Variants in WDHD1 observed in about 807,000 individuals in gnomAD.
The protein encoded by WDHD1 is WD repeat and HMG-box DNA-binding protein 1.
WDHD1 carries 111 observed loss-of-function variants against 135.4 expected under a neutral mutation model. That is an observed-to-expected ratio of 0.82 (90% CI 0.70 to 0.96). The LOEUF is 0.96. Ranked by LOEUF, WDHD1 falls within the 40% of genes least tolerant of loss-of-function variation. WDHD1 has a pLI of 0.00. For synonymous variants in WDHD1, 434 were observed against 439.0 expected, an observed-to-expected ratio of 0.99 and a Z score of 0.14; for missense variants, 1,351 against 1,336.3, an observed-to-expected ratio of 1.01 and a Z score of -0.17.
chr14:54,987,471 C>CA, intron 13 of WDHD1, 84 bp from the exon 14 acceptor site: 4 of 1,235,822 alleles, frequency 3.2e-6, no homozygotes, highest in African/African-American at 3.1e-5. Context: ...TGATATTCAA[C>CA]AAAAAAACCA....
At chr14:54,963,581 G>T (rs1317373347) in intron 18 of WDHD1, among the ~76,000 whole-genome samples, 3 of 152,100 alleles carry the variant, frequency 2.0e-5, no homozygotes, top group African/African-American at 7.2e-5. Context: ...CAGATGGGTG[G>T]ATCATGAGGT....
intron 21 of WDHD1, 47 bp from the exon 22 acceptor site, chr14:54,957,682 GA>G: frequency 6.8e-7 from 1 of 1,477,016 alleles, no homozygotes; most frequent in African/African-American, 1.4e-5. Context: ...GAAAATAGAT[GA>G]CTTCTGACAT....
intron 15 of WDHD1, among the ~76,000 whole-genome samples, chr14:54,982,364 C>A (rs2041633097): frequency 6.6e-6 from 1 of 152,098 alleles, no homozygotes; most frequent in Non-Finnish European, 1.5e-5. Context: ...CAGAAGGCTC[C>A]CGCTTGAGAA....
chr14:55,005,433 C>T (rs935198916), intron 7 of WDHD1: 2 of 569,810 alleles, frequency 3.5e-6, no homozygotes, highest in South Asian at 2.8e-5. Flanking sequence ...TTCAGCATGG[C>T]CTTCGGACCA....
chr14:54,957,634 A>G lies in WDHD1; in HGVS notation c.2703T>C (p.Gly901=). 1 of 1,606,430 alleles carries G rather than the reference A, an allele frequency of 6.2e-7. No individual in the cohort carries two copies. The highest frequency in any genetic ancestry group is 8.5e-7 in the Non-Finnish European group (1 of 1,178,034). The stretch of plus-strand genomic sequence containing the variant: ...GTCCTTGGCTGCTAAAGGTAACTGC[A>G]CCTTTCACAAAAAAGAAACCCTTGC... ...TNSSDVSAKS[G]AVTFSSQGRV... Residue 901 remains glycine (G), a splice_region_variant and synonymous_variant, in exon 22 of 26, where the codon GGT becomes GGC. Coordinates refer to ENST00000360586, the MANE Select transcript of WDHD1 (RefSeq NM_007086.4).
intron 16 of WDHD1, among the ~76,000 whole-genome samples, chr14:54,972,485 C>T (rs763730019): frequency 1.8e-4 from 23 of 129,478 alleles, no homozygotes; most frequent in Admixed American, 2.9e-4. Context: ...GGGTAAAGCA[C>T]GAGAATCTCT....
chr14:54,970,601 T>G (rs1250967696), intron 16 of WDHD1, among the ~76,000 whole-genome samples: 1 of 149,268 alleles, frequency 6.7e-6, no homozygotes, highest in Non-Finnish European at 1.5e-5. Flanking sequence ...CAACCTTGGT[T>G]TGCATCGAAG....
chr14:54,961,075 G>A lies in WDHD1; in HGVS notation c.2701+1423C>T, dbSNP rs144414539. Reference sequence around the variant, plus strand: ...CCACCTTGGCCTCTCAAAATGCTGAGGTTACAGACATGAGCCATCACACCT... The same window carrying A: ...CCACCTTGGCCTCTCAAAATGCTGAAGTTACAGACATGAGCCATCACACCT... On this transcript the variant is annotated intron_variant, in intron 21 of 25. Coordinates refer to ENST00000360586, the MANE Select transcript of WDHD1 (RefSeq NM_007086.4). Among the ~76,000 whole-genome samples, 809 of 152,268 alleles carry A rather than the reference G, an allele frequency of 5.3e-3. 10 individuals are homozygous for A. Among genetic ancestry groups the A allele is most frequent in the African/African-American group, 0.018 (765 of 41,560 alleles).
rs562847704 is a variant in WDHD1, at chr14:54,948,662, A to G, written c.3051-4192T>C. Among the ~76,000 whole-genome samples, 406 of 152,344 alleles carry G rather than the reference A, an allele frequency of 2.7e-3. 1 individual carries two copies. Among genetic ancestry groups the G allele is most frequent in the Non-Finnish European group, 4.9e-3 (333 of 68,028 alleles). On this transcript the variant is annotated intron_variant, in intron 24 of 25. Transcript: ENST00000360586. ...CTTTGAAGAGAGTAGTGGTTCTCCC[A>G]GCACAGAGTTTGAGATCTGAGAATG...
In WDHD1 at chr14:54,967,383, C is replaced by T. The variant is rs766392836; in HGVS notation, c.2075G>A (p.Cys692Tyr). The stretch of plus-strand genomic sequence containing the variant: ...GGTTGGGGGAAACCGAGAACCTTTA[C>T]AAGGAATGCACCTGTTAGTAAAGAA... ...ENPQQLRCIP[C>Y]KGSRFPPTLP... The change falls in exon 17 of 26, where the codon TGT becomes TAT. Residue 692 changes from cysteine (C) to tyrosine (Y), a missense_variant. Physicochemically the swap from Cys to Tyr is radical, Grantham distance 194. This residue lies in a region of WDHD1 where 1,330 missense variants were observed against 1,296.1 expected (regional missense o/e 1.03). Coordinates refer to ENST00000360586, the MANE Select transcript of WDHD1 (RefSeq NM_007086.4). 2.5e-5 allele frequency: 40 copies of T among 1,609,304 alleles called. No homozygotes were observed. In the South Asian group the frequency reaches 4.2e-4, roughly 17 times the overall value.
At position 54,941,518 on chromosome 14, in the gene WDHD1, A is replaced by G. The variant is rs1566699117; in HGVS notation, c.3362T>C (p.Leu1121Pro). The G allele has an allele frequency of 1.2e-6, 2 of 1,612,386 alleles. No individual in the cohort carries two copies. The highest frequency in any genetic ancestry group is 1.7e-5 in the Admixed American group (1 of 59,868). Residue 1121 changes from leucine to proline, a missense_variant, in exon 26 of 26, where the codon CTA (leucine) becomes CCA (proline). Coordinates refer to ENST00000360586, the MANE Select transcript of WDHD1 (RefSeq NM_007086.4). ...KPLDFSTNQK[L>P]SAFAFKQE is the part of the protein sequence containing the mutation. ...CTCCTGCTTAAATGCAAAAGCTGATAGTTTCTGATTTGTAGAAAAATCTAA... is the reference window on the plus strand; with the variant it reads ...CTCCTGCTTAAATGCAAAAGCTGATGGTTTCTGATTTGTAGAAAAATCTAA...
intron 2 of WDHD1, among the ~76,000 whole-genome samples, chr14:55,025,853 A>C (rs1216432399): frequency 6.6e-6 from 1 of 151,990 alleles, no homozygotes; most frequent in Non-Finnish European, 1.5e-5. Context: ...TGCCAACATC[A>C]CCACCCCACC....
chr14:54,958,911 C>A (rs551355218), intron 21 of WDHD1, among the ~76,000 whole-genome samples: 3 of 152,318 alleles, frequency 2.0e-5, no homozygotes, highest in East Asian at 3.9e-4. Context: ...GACCAGAATA[C>A]TTCCCTGAGC....
At chr14:54,964,013 C>CA (rs2041300458) in intron 18 of WDHD1, among the ~76,000 whole-genome samples, 1 of 152,106 alleles carries the variant, frequency 6.6e-6, no homozygotes, top group African/African-American at 2.4e-5. Context: ...GAGCCTGAGA[C>CA]AGGAGGTTCA....
rs2041989910 is a variant in WDHD1, at chr14:55,002,143, T to C, written c.643A>G (p.Arg215Gly). The part of the protein sequence containing the change: ...PVEKSVKLYR[R>G]ESWSHQFDLS... ...TCAAATTGATGACTCCAAGATTCTC[T>C]TCTATATAGCTTAACAGATTTTTCC... Residue 215 changes from arginine to glycine, a missense_variant, in exon 8 of 26, where the codon AGA becomes GGA. Coordinates refer to ENST00000360586, the MANE Select transcript of WDHD1 (RefSeq NM_007086.4). 2.5e-6 allele frequency: 4 copies of C among 1,607,250 alleles called. No homozygotes were observed. Among genetic ancestry groups the C allele is most frequent in the Non-Finnish European group, 3.4e-6 (4 of 1,178,192 alleles).
chr14:54,993,132 T>A (rs560443230), intron 11 of WDHD1, among the ~76,000 whole-genome samples: 2 of 152,298 alleles, frequency 1.3e-5, no homozygotes, highest in East Asian at 1.9e-4. Context: ...TTTTGTTTTT[T>A]TCTGAGACAG....
At chr14:54,981,501 T>C in intron 16 of WDHD1, 39 bp downstream of exon 16, 1 of 1,589,482 alleles carries the variant, frequency 6.3e-7, no homozygotes, top group Non-Finnish European at 8.5e-7. Context: ...AACATACTTT[T>C]TAAAAAGAGT....
chr14:55,011,328 G>C (rs184711972), intron 3 of WDHD1, among the ~76,000 whole-genome samples: 4 of 151,878 alleles, frequency 2.6e-5, no homozygotes, highest in Non-Finnish European at 5.9e-5. Flanking sequence ...TCAGGAGTTC[G>C]AGACCAGCCT....
intron 2 of WDHD1, among the ~76,000 whole-genome samples, chr14:55,019,596 T>TG (rs2042312165): frequency 6.6e-6 from 1 of 152,152 alleles, no homozygotes; most frequent in African/African-American, 2.4e-5. Flanking sequence ...AGGCGGGGTG[T>TG]GGTGGCTCAT....
Sources: allele counts gnomAD v4.1 joint callset (sites outside exome capture counted in the v4.1 genomes callset), GRCh38; gene constraint gnomAD v4.1.1; regional missense constraint gnomAD v4.1.1; transcripts MANE v1.5; gene names NCBI Gene and HGNC (gene_info 2026-07-23, HGNC 2026-07-21).